The following NXPE2 variants were observed in gnomAD, a reference collection of about 807,000 sequenced individuals.
The protein encoded by NXPE2 is neurexophilin and PC-esterase domain family member 2.
NXPE2 carries 34 observed loss-of-function variants against 34.4 expected under a neutral mutation model. The observed-to-expected ratio is 0.99, with a 90% confidence interval of 0.75 to 1.31. The LOEUF (loss-of-function observed/expected upper bound fraction) is 1.31, where lower values mean the gene tolerates loss of function less well. Among genes scored for constraint, NXPE2 ranks in the 40% most tolerant of loss-of-function variants. NXPE2 has a pLI of 0.00. For synonymous variants in NXPE2, 235 were observed against 231.3 expected (o/e 1.02, Z -0.15); for missense variants, 649 against 672.5 (o/e 0.97, Z 0.39).
the NXPE2 span, among the ~76,000 whole-genome samples, chr11:114,590,865 G>A: frequency 6.6e-6 from 1 of 152,136 alleles, no homozygotes; most frequent in Non-Finnish European, 1.5e-5. Flanking sequence ...TGTCTTTTAT[G>A]GGGAACCTTT....
At chr11:114,685,195 T>C (rs187846240) in intron 2 of NXPE2, among the ~76,000 whole-genome samples, 4 of 152,310 alleles carry the variant, frequency 2.6e-5, no homozygotes, top group African/African-American at 7.2e-5. Context: ...TGCATATGTG[T>C]ATAAAACCCT....
At chr11:114,766,325 C>T in the NXPE2 span, among the ~76,000 whole-genome samples, 2 of 152,126 alleles carry the variant, frequency 1.3e-5, no homozygotes, top group Admixed American at 6.6e-5. Flanking sequence ...TGACAATCCC[C>T]TATTAGGAAC....
chr11:114,496,947 A>G, the NXPE2 span, among the ~76,000 whole-genome samples: 1 of 152,238 alleles, frequency 6.6e-6, no homozygotes, highest in Non-Finnish European at 1.5e-5. Context: ...TGTATAGTAC[A>G]TTATTGATAA....
At chr11:114,693,135 G>A (rs1053901395) in intron 2 of NXPE2, among the ~76,000 whole-genome samples, 3 of 152,164 alleles carry the variant, frequency 2.0e-5, no homozygotes, top group South Asian at 2.1e-4. Context: ...ACCCCATGTG[G>A]TGCACACTTT....
the NXPE2 span, among the ~76,000 whole-genome samples, chr11:114,641,747 G>T: frequency 6.6e-6 from 1 of 152,042 alleles, no homozygotes; most frequent in East Asian, 1.9e-4. Context: ...AGTGGGCAAC[G>T]TTCTAGTACA....
chr11:114,644,650 G>A, the NXPE2 span, among the ~76,000 whole-genome samples: 3 of 152,040 alleles, frequency 2.0e-5, no homozygotes, highest in Admixed American at 1.3e-4. Flanking sequence ...GGAATATTAT[G>A]TCATGTTTAT....
chr11:114,794,127 C>G, the NXPE2 span, among the ~76,000 whole-genome samples: 1 of 152,150 alleles, frequency 6.6e-6, no homozygotes, highest in Non-Finnish European at 1.5e-5. Flanking sequence ...CCTGCTGAGT[C>G]TCTCCCGTCG....
chr11:114,619,642 A>T, the NXPE2 span, among the ~76,000 whole-genome samples: 2 of 151,278 alleles, frequency 1.3e-5, no homozygotes, highest in Non-Finnish European at 2.9e-5. Context: ...AACCACTGTT[A>T]CCCTGTGGAT....
At chr11:114,753,829 G>A in the NXPE2 span, among the ~76,000 whole-genome samples, 1 of 152,186 alleles carries the variant, frequency 6.6e-6, no homozygotes, top group African/African-American at 2.4e-5. Flanking sequence ...TTTTAGGCCA[G>A]ATGTTACTGA....
chr11:114,717,724 C>G, the NXPE2 span, among the ~76,000 whole-genome samples: 2 of 152,196 alleles, frequency 1.3e-5, no homozygotes, highest in East Asian at 3.9e-4. Flanking sequence ...CCCACTTCCC[C>G]CCACTGAGAG....
At chr11:114,691,340 G>A (rs1259511178) in intron 2 of NXPE2, among the ~76,000 whole-genome samples, 12 of 151,986 alleles carry the variant, frequency 7.9e-5, no homozygotes, top group South Asian at 2.1e-4. Flanking sequence ...TGCTTTCAGG[G>A]TGCCTAAGCT....
At chr11:114,502,057 T>C in the NXPE2 span, among the ~76,000 whole-genome samples, 6 of 152,198 alleles carry the variant, frequency 3.9e-5, no homozygotes, top group African/African-American at 1.2e-4. Context: ...TTGTGCATTG[T>C]AACACGTTTA....
At chr11:114,498,513 C>T in the NXPE2 span, among the ~76,000 whole-genome samples, 1 of 151,968 alleles carries the variant, frequency 6.6e-6, no homozygotes, top group Non-Finnish European at 1.5e-5. Flanking sequence ...CTATAACTTA[C>T]AGAAAAATGC....
At chr11:114,519,856 A>G in the NXPE2 span, among the ~76,000 whole-genome samples, 1 of 152,154 alleles carries the variant, frequency 6.6e-6, no homozygotes, top group African/African-American at 2.4e-5. Context: ...TGTAGTCAGT[A>G]TATTAACATA....
At chr11:114,604,650 G>A in the NXPE2 span, among the ~76,000 whole-genome samples, 37 of 151,674 alleles carry the variant, frequency 2.4e-4, no homozygotes, top group Admixed American at 1.8e-3. Flanking sequence ...GCTGTTACCC[G>A]GTGGATAATA....
chr11:114,552,535 A>G, the NXPE2 span, among the ~76,000 whole-genome samples: 7 of 152,122 alleles, frequency 4.6e-5, no homozygotes, highest in Admixed American at 4.6e-4. Flanking sequence ...CTGTCCACTG[A>G]AATTTCATAT....
At chr11:114,802,941 G>T in the NXPE2 span, among the ~76,000 whole-genome samples, 5 of 152,066 alleles carry the variant, frequency 3.3e-5, no homozygotes, top group Non-Finnish European at 7.4e-5. Context: ...CTGCAGACAT[G>T]AAACCATCTG....
the NXPE2 span, among the ~76,000 whole-genome samples, chr11:114,550,923 A>G: frequency 6.6e-6 from 1 of 152,114 alleles, no homozygotes; most frequent in East Asian, 1.9e-4. Flanking sequence ...ATGGGAAATG[A>G]AGAAATAGAG....
the NXPE2 span, chr11:114,522,581 A>G: frequency 1.6e-6 from 2 of 1,248,248 alleles, no homozygotes; most frequent in East Asian, 2.5e-5. Flanking sequence ...TATCATTTAA[A>G]ATACCCACCC....
Sources: allele counts gnomAD v4.1 joint callset (sites outside exome capture counted in the v4.1 genomes callset), GRCh38; gene constraint gnomAD v4.1.1; transcripts MANE v1.5; gene names NCBI Gene and HGNC (gene_info 2026-07-23, HGNC 2026-07-21).